CYP4B1: variants seen among roughly 807,000 people sequenced by gnomAD.
The protein encoded by CYP4B1 is cytochrome P450 family 4 subfamily B member 1.
A neutral mutation model predicts 54.0 loss-of-function variants in CYP4B1; 45 were observed. The observed-to-expected ratio is 0.83, with a 90% CI of 0.66 to 1.07. The LOEUF (loss-of-function observed/expected upper bound fraction) is 1.07. Among genes scored for constraint, CYP4B1 ranks in the 50% least tolerant of loss-of-function variants. The pLI is 0.00. For synonymous variants in CYP4B1, 248 were observed against 247.5 expected (o/e 1.00, Z -0.02); for missense variants, 656 against 655.4 (o/e 1.00, Z -0.01).
At position 46,813,998 on chromosome 1, in the gene CYP4B1, T is replaced by C. The variant is rs766186524; in HGVS notation, c.710T>C (p.Ile237Thr). Residue 237 changes from isoleucine (I) to threonine (T), a missense_variant, in exon 6 of 12, where the codon ATC becomes ACC. By Grantham distance (89) the Ile-to-Thr change is moderately conservative. Coordinates refer to ENST00000371923, the MANE Select transcript of CYP4B1 (RefSeq NM_001099772.2). ...TCCTTCCAGTACCATAATGACTTCA[T>C]CTACTGGCTCACCCCACATGGCCGC... ...LVSFQYHNDFIYWLTPHGRRF... is the reference protein window; with the variant it reads ...LVSFQYHNDFTYWLTPHGRRF... 1.9e-6 allele frequency: 3 copies of C among 1,614,040 alleles called. No homozygotes were observed. Among genetic ancestry groups the C allele is most frequent in the Admixed American group, 3.3e-5 (2 of 59,996 alleles).
intron 2 of CYP4B1, 34 bp from the exon 3 acceptor site, chr1:46,811,106 G>A (rs762663540): frequency 5.0e-6 from 8 of 1,613,726 alleles, no homozygotes; most frequent in Non-Finnish European, 4.2e-6. Flanking sequence ...AGGAACCCCG[G>A]GTCCCTGCTT....
In CYP4B1 at chr1:46,818,683, A is replaced by T. The variant is rs935467724; in HGVS notation, c.1408A>T (p.Met470Leu). 2 of 1,614,214 alleles carry T rather than the reference A, an allele frequency of 1.2e-6. No homozygotes were observed. The stretch of plus-strand genomic sequence containing the variant: ...GAGTGAGATGAAGGTGGTCACAGCC[A>T]TGTGCTTGCTCCGCTTTGAGTTCTC... ...AMSEMKVVTA[M>L]CLLRFEFSLD... Residue 470 changes from methionine to leucine, a missense_variant, in exon 12 of 12, where the codon ATG (methionine) becomes TTG (leucine). Coordinates refer to ENST00000371923, the MANE Select transcript of CYP4B1 (RefSeq NM_001099772.2).
intron 1 of CYP4B1, among the ~76,000 whole-genome samples, chr1:46,800,109 CTTTT>C (rs1425059306): frequency 6.6e-6 from 1 of 152,006 alleles, no homozygotes; most frequent in Non-Finnish European, 1.5e-5. Context: ...ATGCCAGAGA[CTTTT>C]CTTTCTTTCC....
intron 1 of CYP4B1, among the ~76,000 whole-genome samples, chr1:46,800,918 G>A (rs12142787): frequency 0.086 from 13,090 of 152,176 alleles, 819 homozygotes; most frequent in East Asian, 0.26. Context: ...CCTTGCTCCC[G>A]AGCTGGGCGA....
Position 46,810,958 on chromosome 1 carries a change from A to G in CYP4B1, c.322+9A>G. The G allele has an allele frequency of 6.2e-7, 1 of 1,613,586 alleles. No individual in the cohort carries two copies. Among genetic ancestry groups the G allele is most frequent in the Non-Finnish European group, 8.5e-7 (1 of 1,179,838 alleles). On this transcript the variant is annotated intron_variant, in intron 2 of 11. Transcript: ENST00000371923. ...TGTGTACAGCCGTGGGGGTGAGGAG[A>G]GAGGATGGGGATCTCAGGAGAGGGT...
chr1:46,812,742 C>A, intron 4 of CYP4B1, 119 bp downstream of exon 4: 1 of 1,202,954 alleles, frequency 8.3e-7, no homozygotes, highest in Non-Finnish European at 1.2e-6. Flanking sequence ...AGCTGAGCCC[C>A]AAGGCCTGTT....
chr1:46,801,727 G>A (rs755668112), intron 1 of CYP4B1, among the ~76,000 whole-genome samples: 41 of 152,216 alleles, frequency 2.7e-4, no homozygotes, highest in Non-Finnish European at 5.0e-4. Flanking sequence ...ATGTAAAAAT[G>A]AGGACATTGA....
chr1:46,815,631 G>C (rs1184290565), intron 8 of CYP4B1, among the ~76,000 whole-genome samples: 1 of 152,210 alleles, frequency 6.6e-6, no homozygotes, highest in Non-Finnish European at 1.5e-5. Flanking sequence ...ACAGAGCTGA[G>C]ACAGCTGGGA....
rs576580507 is a variant in CYP4B1, at chr1:46,799,068, C to A, written c.-14C>A. 1.9e-6 allele frequency: 3 copies of A among 1,613,484 alleles called. No homozygotes were observed. The South Asian group carries it at 3.3e-5, about 18-fold the overall frequency. On this transcript the variant is annotated 5_prime_UTR_variant, in exon 1 of 12. It adds an upstream start codon to the 5' untranslated region. Coordinates refer to ENST00000371923, the MANE Select transcript of CYP4B1 (RefSeq NM_001099772.2). The stretch of plus-strand genomic sequence containing the variant: ...GGCAGGTCAGATGAAGGCTAGGTGG[C>A]TGGAACTGCAACCATGGTGCCCAGC...
intron 1 of CYP4B1, among the ~76,000 whole-genome samples, chr1:46,808,578 T>C (rs1200316504): frequency 6.6e-6 from 1 of 152,112 alleles, no homozygotes; most frequent in African/African-American, 2.4e-5. Context: ...GCGAAAATTT[T>C]CTCCCATTTT....
chr1:46,803,404 G>A (rs1484832163), intron 1 of CYP4B1, among the ~76,000 whole-genome samples: 1 of 152,184 alleles, frequency 6.6e-6, no homozygotes, highest in Non-Finnish European at 1.5e-5. Context: ...AGATGTGAGG[G>A]TCAGTGAGGG....
chr1:46,816,928 G>T, intron 8 of CYP4B1, 120 bp from the exon 9 acceptor site: 1 of 1,194,296 alleles, frequency 8.4e-7, no homozygotes. Flanking sequence ...TTGGAACTCT[G>T]TGCCTCTGAC....
chr1:46,812,768 G>GGGCTTTGGCAC, intron 4 of CYP4B1, 145 bp downstream of exon 4: 2 of 930,538 alleles, frequency 2.1e-6, no homozygotes, highest in Non-Finnish European at 3.2e-6. Flanking sequence ...TGCAACAGCA[G>GGGCTTTGGCAC]TGCCAAAGCC....
intron 3 of CYP4B1, chr1:46,812,206 G>A: frequency 1.8e-6 from 1 of 560,698 alleles, no homozygotes; most frequent in Non-Finnish European, 3.4e-6. Flanking sequence ...CTCACATCTG[G>A]CAATGTCATC....
chr1:46,810,149 A>C (rs1679039601), intron 1 of CYP4B1, among the ~76,000 whole-genome samples: 1 of 152,214 alleles, frequency 6.6e-6, no homozygotes, highest in Admixed American at 6.5e-5. Flanking sequence ...CCATCCTTCA[A>C]GTTTCACCTT....
intron 1 of CYP4B1, among the ~76,000 whole-genome samples, chr1:46,803,074 C>T (rs971270370): frequency 2.0e-5 from 3 of 152,080 alleles, no homozygotes; most frequent in African/African-American, 7.2e-5. Flanking sequence ...TGGAGGTAGA[C>T]GGGGCAGTCA....
At position 46,814,080 on chromosome 1, in the gene CYP4B1, A is replaced by G. The variant is rs1383249534; in HGVS notation, c.775+17A>G. ...ACCATACAGGTGGGCCTTTCCCACAAGGCTCACCTCTAGGAAGCCTGGGTT... is the reference window on the plus strand; with the variant it reads ...ACCATACAGGTGGGCCTTTCCCACAGGGCTCACCTCTAGGAAGCCTGGGTT... On this transcript the variant is annotated intron_variant, in intron 6 of 11. Coordinates refer to ENST00000371923, the MANE Select transcript of CYP4B1 (RefSeq NM_001099772.2). 1.2e-6 allele frequency: 2 copies of G among 1,613,568 alleles called. No homozygotes were observed. The highest frequency in any genetic ancestry group is 2.7e-5 in the African/African-American group (2 of 74,902).
At chr1:46,813,257 C>T (rs1679184560) in intron 4 of CYP4B1, among the ~76,000 whole-genome samples, 1 of 152,360 alleles carries the variant, frequency 6.6e-6, no homozygotes, top group East Asian at 1.9e-4. Context: ...GCAAGATCTG[C>T]CTCCTGGTCC....
At chr1:46,815,952 A>T (rs918927275) in intron 8 of CYP4B1, among the ~76,000 whole-genome samples, 1 of 152,104 alleles carries the variant, frequency 6.6e-6, no homozygotes, top group African/African-American at 2.4e-5. Context: ...AGCCTCCAAG[A>T]GGGGGCTAGG....
Sources: allele counts gnomAD v4.1 joint callset (sites outside exome capture counted in the v4.1 genomes callset), GRCh38; gene constraint gnomAD v4.1.1; transcripts MANE v1.5; gene names NCBI Gene and HGNC (gene_info 2026-07-23, HGNC 2026-07-21).